Variants in USH1C observed in about 807,000 individuals in gnomAD.
USH1C encodes harmonin.
In USH1C, 90 loss-of-function variants were observed where a neutral mutation model predicts 119.3. The observed-to-expected ratio is 0.75, with a 90% CI of 0.64 to 0.90. USH1C has a LOEUF of 0.90. Among genes scored for constraint, USH1C ranks in the 40% least tolerant of loss-of-function variants. The pLI, the probability that USH1C is intolerant of heterozygous loss-of-function variation, is 0.00. For missense variants in USH1C, 1,165 were observed against 1,167.7 expected, an observed-to-expected ratio of 1.00 and a Z score of 0.03; for synonymous variants, 465 against 443.3, an observed-to-expected ratio of 1.05 and a Z score of -0.62.
At chr11:17,530,437 T>C (rs1850910883) in intron 4 of USH1C, among the ~76,000 whole-genome samples, 1 of 152,234 alleles carries the variant, frequency 6.6e-6, no homozygotes, top group Admixed American at 6.5e-5. Flanking sequence ...TGAGCCTCTA[T>C]TAATTCTGTA....
Position 17,509,512 on chromosome 11 carries a change from G to A in USH1C, c.1857C>T (p.Thr619=). The A allele has an allele frequency of 1.2e-6, 2 of 1,612,872 alleles. No individual in the cohort carries two copies. Among genetic ancestry groups the A allele is most frequent in the Admixed American group, 1.7e-5 (1 of 59,956 alleles). Residue 619 remains threonine, a synonymous_variant, in exon 18 of 27, where the codon ACC becomes ACT. Coordinates refer to ENST00000005226, the MANE Select transcript of USH1C (RefSeq NM_153676.4). ...PSVPTQDLTP[T]RPLPSALEEA... is the part of the protein sequence containing the mutation. The stretch of plus-strand genomic sequence containing the variant: ...CTTCCAGCGCCGAGGGCAGTGGGCG[G>A]GTGGGAGTGAGGTCTTGGGTGGGAA...
At chr11:17,495,540 A>C in intron 26 of USH1C, 29 bp downstream of exon 26, 1 of 1,605,032 alleles carries the variant, frequency 6.2e-7, no homozygotes, top group South Asian at 1.1e-5. Context: ...AGGGACACAC[A>C]GGGCCCTGTG....
Position 17,494,191 on chromosome 11 carries a change from G to C in USH1C, c.*141C>G, listed in dbSNP as rs1849161326. 4.5e-6 allele frequency: 5 copies of C among 1,099,092 alleles called. No individual in the cohort carries two copies. The South Asian group carries it at 6.7e-5, about 15-fold the overall frequency. 68.1% of individuals were successfully genotyped at this position (1,099,092 alleles called of 1,614,324 possible). ...CCCGAGCTGTTCCTTATCTGGCCCTGGTTCAGGGCCAAAGGGAGTTTGAGA... is the reference window on the plus strand; with the variant it reads ...CCCGAGCTGTTCCTTATCTGGCCCTCGTTCAGGGCCAAAGGGAGTTTGAGA... On this transcript the variant is annotated 3_prime_UTR_variant, in exon 27 of 27. Coordinates refer to ENST00000005226, the MANE Select transcript of USH1C (RefSeq NM_153676.4).
chr11:17,514,548 T>A (rs1179986864), intron 15 of USH1C: 1 of 152,226 alleles, frequency 6.6e-6, no homozygotes, highest in Non-Finnish European at 1.5e-5. Flanking sequence ...TGCACAGATA[T>A]CATGGCCATG....
Position 17,494,197 on chromosome 11 carries a change from G to A in USH1C, c.*135C>T, listed in dbSNP as rs1454215107. ...CTGTTCCTTATCTGGCCCTGGTTCA[G>A]GGCCAAAGGGAGTTTGAGATTCCTG... On this transcript the variant is annotated 3_prime_UTR_variant, in exon 27 of 27. Coordinates refer to ENST00000005226, the MANE Select transcript of USH1C (RefSeq NM_153676.4). The A allele has an allele frequency of 8.6e-7, 1 of 1,163,846 alleles. No homozygotes were observed. Among genetic ancestry groups the A allele is most frequent in the Non-Finnish European group, 1.3e-6 (1 of 796,772 alleles). 72.1% of individuals were successfully genotyped at this position (1,163,846 alleles called of 1,614,324 possible). A position where few individuals can be genotyped will look rare whatever the true frequency, so the allele number is the denominator to read the frequency against.
intron 18 of USH1C, among the ~76,000 whole-genome samples, chr11:17,506,436 T>C (rs1015611177): frequency 2.0e-5 from 3 of 152,194 alleles, no homozygotes; most frequent in African/African-American, 7.2e-5. Flanking sequence ...ACGCAACCTG[T>C]CTGCTTGGCT....
rs1851365835 is a variant in USH1C, at chr11:17,539,488, GAGTTA to G, written c.36+4779_36+4783del. Among the ~76,000 whole-genome samples, 3 of 152,176 alleles carry G rather than the reference GAGTTA, an allele frequency of 2.0e-5. No individual in the cohort carries two copies. The East Asian group carries it at 5.8e-4, about 29-fold the overall frequency. The stretch of plus-strand genomic sequence containing the variant: ...CATTGTTTTTTAGTATTAATTTAAT[GAGTTA>G]ATAATTATGAAGAGTTCAGAACAGT... On this transcript the variant is annotated intron_variant, in intron 1 of 26. Coordinates refer to ENST00000005226, the MANE Select transcript of USH1C (RefSeq NM_153676.4).
In USH1C at chr11:17,501,930, ATC is replaced by A; in HGVS notation, c.2226+7_2226+8del. Reference sequence around the variant, plus strand: ...GTTACTTGTCCAGGAGAGAAGCGTCATCTCTTACCATAGAGTAGGGGTCAAAG... The same window carrying A: ...GTTACTTGTCCAGGAGAGAAGCGTCATCTTACCATAGAGTAGGGGTCAAAG... On this transcript the variant is annotated splice_region_variant and intron_variant, in intron 21 of 26. Transcript: ENST00000005226. The A allele has an allele frequency of 6.2e-7, 1 of 1,613,480 alleles. No homozygotes were observed. The highest frequency in any genetic ancestry group is 1.7e-5 in the Admixed American group (1 of 59,946).
At position 17,531,374 on chromosome 11, in the gene USH1C, T is replaced by G; in HGVS notation, c.248+25A>C. The stretch of plus-strand genomic sequence containing the variant: ...CAGGGTGATCTCTCCACCCCCTGCC[T>G]CCAGCCTGGTGGCTTCCTCTGCACC... On this transcript the variant is annotated intron_variant, in intron 3 of 26. Coordinates refer to ENST00000005226, the MANE Select transcript of USH1C (RefSeq NM_153676.4). The surrounding 1 kb of genome is among the most constrained non-coding windows in gnomAD (Gnocchi z 4.2). 6.2e-7 allele frequency: 1 copy of G among 1,613,712 alleles called. No homozygotes were observed. The highest frequency in any genetic ancestry group is 8.5e-7 in the Non-Finnish European group (1 of 1,179,810).
At chr11:17,495,763 C>T (rs1849226501) in intron 25 of USH1C, 86 bp from the exon 26 acceptor site, 3 of 1,440,884 alleles carry the variant, frequency 2.1e-6, no homozygotes, top group Non-Finnish European at 2.9e-6. Context: ...TTTCACTGGG[C>T]TCCTGCCTCG....
Position 17,524,482 on chromosome 11 carries a change from G to A in USH1C, c.728C>T (p.Pro243Leu). The part of the protein sequence containing the change: ...KPGIFISHVK[P>L]GSLSAEVGLE... ...TCCCACCTCAGCAGACAGGGAGCCA[G>A]GTTTCACATGGCTGATAAAGATGCC... Residue 243 changes from proline (P) to leucine (L), a missense_variant, in exon 9 of 27, where the codon CCT becomes CTT. By Grantham distance (98) the Pro-to-Leu change is moderately conservative. Coordinates refer to ENST00000005226, the MANE Select transcript of USH1C (RefSeq NM_153676.4). 1.9e-6 allele frequency: 3 copies of A among 1,574,522 alleles called. No homozygotes were observed. The highest frequency in any genetic ancestry group is 3.6e-5 in the Admixed American group (2 of 55,682).
chr11:17,526,681 C>T, intron 7 of USH1C, 72 bp downstream of exon 7: 5 of 1,518,306 alleles, frequency 3.3e-6, no homozygotes, highest in Non-Finnish European at 4.5e-6. Context: ...AGCAAGCCCT[C>T]CCTTCAGGAC....
Position 17,531,954 on chromosome 11 carries a change from T to C in USH1C, c.105-412A>G, listed in dbSNP as rs1030773047. Among the ~76,000 whole-genome samples, 1 of 152,198 alleles carries C rather than the reference T, an allele frequency of 6.6e-6. No individual in the cohort carries two copies. The highest frequency in any genetic ancestry group is 1.5e-5 in the Non-Finnish European group (1 of 68,024). ...CACAGTTCACATGCCTCCTCCCTCA[T>C]GCTGTTCAGACCTTCGACTGCAGCT... On this transcript the variant is annotated intron_variant, in intron 2 of 26. Coordinates refer to ENST00000005226, the MANE Select transcript of USH1C (RefSeq NM_153676.4). This position sits in a 1 kb window ranked among gnomAD's most constrained non-coding sequence, Gnocchi z 4.2.
chr11:17,516,908 C>G (rs1414466289), intron 14 of USH1C, among the ~76,000 whole-genome samples: 2 of 152,130 alleles, frequency 1.3e-5, no homozygotes, highest in Non-Finnish European at 2.9e-5. Context: ...GCCAGATAGC[C>G]AGTGCACCAG....
intron 19 of USH1C, 88 bp downstream of exon 19, chr11:17,505,742 A>G (rs1849623351): frequency 7.5e-6 from 12 of 1,590,262 alleles, no homozygotes; most frequent in Non-Finnish European, 9.4e-6. Flanking sequence ...GTCCCACCTC[A>G]CTTGCCCTCC....
intron 23 of USH1C, among the ~76,000 whole-genome samples, chr11:17,500,468 C>G (rs1849392706): frequency 6.6e-6 from 1 of 152,206 alleles, no homozygotes; most frequent in Non-Finnish European, 1.5e-5. Flanking sequence ...CCATGAAACG[C>G]TCAGACACAG....
intron 23 of USH1C, among the ~76,000 whole-genome samples, chr11:17,499,936 C>T (rs528146308): frequency 4.5e-4 from 69 of 152,328 alleles, no homozygotes; most frequent in African/African-American, 1.5e-3. Flanking sequence ...TAGGGTCCCC[C>T]ACTCTGGCCT....
chr11:17,501,397 C>T, intron 22 of USH1C, 85 bp downstream of exon 22: 2 of 1,492,734 alleles, frequency 1.3e-6, no homozygotes, highest in Non-Finnish European at 1.8e-6. Context: ...CAGGAGTGAC[C>T]TTGAGAGTAG....
chr11:17,522,943 G>C lies in USH1C; in HGVS notation c.877-17C>G. 1 of 1,607,664 alleles carries C rather than the reference G, an allele frequency of 6.2e-7. No individual in the cohort carries two copies. Among genetic ancestry groups the C allele is most frequent in the Non-Finnish European group, 8.5e-7 (1 of 1,177,380 alleles). On this transcript the variant is annotated splice_polypyrimidine_tract_variant and intron_variant, in intron 11 of 26. Coordinates refer to ENST00000005226, the MANE Select transcript of USH1C (RefSeq NM_153676.4). ...CTCCCGGCCCTCATGGGAGAAAAGA[G>C]GCCCCTTGCTCAGCCCCCGGGGAAC...
Sources: gnomAD v4.1 joint callset for allele counts (sites outside exome capture counted in the v4.1 genomes callset) on GRCh38, gnomAD v4.1.1 for gene constraint, Gnocchi (gnomAD v3.1) non-coding constraint, MANE v1.5 for transcripts, NCBI Gene and HGNC (gene_info 2026-07-23, HGNC 2026-07-21) for gene names.